The following TTN variants were observed in gnomAD, a reference collection of about 807,000 sequenced individuals.
TTN encodes the protein titin, also known as connectin.
TTN carries 1,525 observed loss-of-function variants against 3,223.0 expected under a neutral mutation model. That is an observed-to-expected ratio of 0.47 (90% CI 0.45 to 0.49). The LOEUF is 0.49. Ranked by LOEUF, TTN falls within the 20% of genes least tolerant of loss-of-function variation. TTN has a pLI of 0.00. For synonymous variants in TTN, 14,094 were observed against 15,161.0 expected, an observed-to-expected ratio of 0.93 and a Z score of 5.17; for missense variants, 40,786 against 43,424.0, an observed-to-expected ratio of 0.94 and a Z score of 5.40.
In TTN at chr2:178,573,339, C is replaced by A; in HGVS notation, c.72793G>T (p.Ala24265Ser). 1 of 1,544,908 alleles carries A rather than the reference C, an allele frequency of 6.5e-7. No individual in the cohort carries two copies. Residue 24265 changes from alanine (A) to serine (S), a missense_variant, in exon 326 of 363, where the codon GCT becomes TCT. Coordinates refer to ENST00000589042, the MANE Select transcript of TTN (RefSeq NM_001267550.2). ...INYIVERRDKAGQRWIKCNKK... is the reference protein window; with the variant it reads ...INYIVERRDKSGQRWIKCNKK... ...TTGCATTTAATCCAGCGTTGGCCAG[C>A]TTTATCACGCCGTTCCACAATATAA...
rs2060146703 is a variant in TTN, at chr2:178,634,254, G to A, written c.42415+112C>T. 1 of 1,494,426 alleles carries A rather than the reference G, an allele frequency of 6.7e-7. No individual in the cohort carries two copies. Among genetic ancestry groups the A allele is most frequent in the South Asian group, 1.3e-5 (1 of 76,186 alleles). 92.6% of individuals were successfully genotyped at this position (1,494,426 alleles called of 1,614,324 possible). Reference sequence around the variant, plus strand: ...AGGGGGGTTGTTTTGGTAACACTGTGAAAGTTAATTAGTGATGCATTATCA... The same window carrying A: ...AGGGGGGTTGTTTTGGTAACACTGTAAAAGTTAATTAGTGATGCATTATCA... On this transcript the variant is annotated intron_variant, in intron 230 of 362. Coordinates refer to ENST00000589042, the MANE Select transcript of TTN (RefSeq NM_001267550.2). The surrounding 1 kb of genome is among the most constrained non-coding windows in gnomAD (Gnocchi z 4.6).
intron 47 of TTN, chr2:178,747,827 T>C: frequency 6.2e-7 from 1 of 1,612,900 alleles, no homozygotes; most frequent in East Asian, 2.2e-5. Context: ...TTCATAACAT[T>C]TTTCTTCTCC....
chr2:178,651,822 A>G, intron 205 of TTN, 62 bp downstream of exon 205: 4 of 1,602,300 alleles, frequency 2.5e-6, no homozygotes, highest in East Asian at 4.5e-5. Flanking sequence ...AGCACCCAGA[A>G]TTATCAGGGC....
At position 178,773,601 on chromosome 2, in the gene TTN, G is replaced by A. The variant is rs771849393; in HGVS notation, c.7455C>T (p.Ile2485=). Residue 2485 remains isoleucine (I), a synonymous_variant, in exon 32 of 363, where the codon ATC becomes ATT. Coordinates refer to ENST00000589042, the MANE Select transcript of TTN (RefSeq NM_001267550.2). The part of the protein sequence containing the change: ...SVKWYLNDEQ[I]KPDDRVQAIV... ...TGGCCTGTACACGGTCATCAGGCTTGATTTGTTCATCATTTAAGTACCACT... is the reference window on the plus strand; with the variant it reads ...TGGCCTGTACACGGTCATCAGGCTTAATTTGTTCATCATTTAAGTACCACT... 6.2e-7 allele frequency: 1 copy of A among 1,614,024 alleles called. No individual in the cohort carries two copies. The highest frequency in any genetic ancestry group is 8.5e-7 in the Non-Finnish European group (1 of 1,179,976).
rs1187733534 is a variant in TTN, at chr2:178,625,364, T to C, written c.44457A>G (p.Thr14819=). 1.3e-6 allele frequency: 2 copies of C among 1,588,750 alleles called. No individual in the cohort carries two copies. The highest frequency in any genetic ancestry group is 1.7e-6 in the Non-Finnish European group (2 of 1,170,782). The change falls in exon 241 of 363, where the codon ACA becomes ACG. Residue 14819 remains threonine (T), a synonymous_variant. Transcript: ENST00000589042. ...VVPRSEGKVH[T]LTLRDVKLED... ...CTAACTTTACATCCCTCAGAGTAAG[T>C]GTATGAACTTTTCCTTCTGAACGTG...
chr2:178,683,254 T>A lies in TTN; in HGVS notation c.32844A>T (p.Lys10948Asn). The stretch of plus-strand genomic sequence containing the variant: ...CTCTTTTTGGAGCTTCAATTGATAC[T>A]TTTTCTTCTTTAACCACTCTTTTTC... Reference protein sequence around the residue: ...EFRKRVVKEEKVSIEAPKREP... With the variant: ...EFRKRVVKEENVSIEAPKREP... Residue 10948 changes from lysine (K) to asparagine (N), a missense_variant, in exon 134 of 363, where the codon AAA (lysine) becomes AAT (asparagine). By Grantham distance (94) the Lys-to-Asn change is moderately conservative. Coordinates refer to ENST00000589042, the MANE Select transcript of TTN (RefSeq NM_001267550.2). 6.4e-7 allele frequency: 1 copy of A among 1,551,180 alleles called. No individual in the cohort carries two copies. The highest frequency in any genetic ancestry group is 1.7e-4 in the Middle Eastern group (1 of 5,942).
intron 47 of TTN, chr2:178,748,129 A>G: frequency 3.1e-6 from 5 of 1,613,070 alleles, no homozygotes; most frequent in South Asian, 1.1e-5. Context: ...TTCTGCCTCC[A>G]TTTTCTAGAG....
At chr2:178,738,511 G>A (rs561929064) in intron 48 of TTN, among the ~76,000 whole-genome samples, 151 bp from the exon 49 acceptor site, 1 of 152,186 alleles carries the variant, frequency 6.6e-6, no homozygotes, top group East Asian at 1.9e-4. Context: ...ACTGGAAAAT[G>A]AGAAAGATCA....
chr2:178,704,992 T>G (rs2075622909), intron 103 of TTN, 26 bp from the exon 104 acceptor site: 2 of 1,609,012 alleles, frequency 1.2e-6, no homozygotes, highest in East Asian at 4.5e-5. Context: ...ATGATAGGCA[T>G]TACAGATGAA....
At chr2:178,678,978 G>T in intron 142 of TTN, 148 bp from the exon 143 acceptor site, 1 of 694,678 alleles carries the variant, frequency 1.4e-6, no homozygotes. Flanking sequence ...ACAAAACAAA[G>T]GCCAGAAAAT....
At chr2:178,717,889 CG>C in intron 86 of TTN, 53 bp downstream of exon 86, 1 of 1,573,802 alleles carries the variant, frequency 6.4e-7, no homozygotes, top group Non-Finnish European at 8.6e-7. Flanking sequence ...AAAGTTTTAA[CG>C]TTTTTAAGAA....
chr2:178,531,620 G>C lies in TTN; in HGVS notation c.104995C>G (p.Leu34999Val), dbSNP rs727503532. The change falls in exon 358 of 363, where the codon CTG (leucine) becomes GTG (valine). Residue 34999 changes from leucine to valine, a missense_variant. Leu to Val is a conservative substitution (Grantham distance 32). Coordinates refer to ENST00000589042, the MANE Select transcript of TTN (RefSeq NM_001267550.2). ...HYTNTSGVLT[L>V]EILDCHTDDS... is the part of the protein sequence containing the mutation. ...TCAGTATGACAGTCCAGAATTTCCAGGGTGAGGACTCCACTCGTGTTGGTG... is the reference window on the plus strand; with the variant it reads ...TCAGTATGACAGTCCAGAATTTCCACGGTGAGGACTCCACTCGTGTTGGTG... 5 of 1,613,868 alleles carry C rather than the reference G, an allele frequency of 3.1e-6. No individual in the cohort carries two copies. The African/African-American group carries it at 6.7e-5, about 22-fold the overall frequency.
At position 178,635,648 on chromosome 2, in the gene TTN, A is replaced by C; in HGVS notation, c.41676T>G (p.Ile13892Met). The C allele has an allele frequency of 6.3e-7, 1 of 1,599,572 alleles. No homozygotes were observed. Among genetic ancestry groups the C allele is most frequent in the African/African-American group, 1.3e-5 (1 of 74,850 alleles). Reference protein sequence around the residue: ...DQHVKPKGTAIFACDIAKDTP... With the variant: ...DQHVKPKGTAMFACDIAKDTP... The stretch of plus-strand genomic sequence containing the variant: ...TATCTTTTGCTATATCACAGGCAAA[A>C]ATAGCTGTCCCCTTGGGTTTCACAT... The change falls in exon 227 of 363, where the codon ATT (isoleucine) becomes ATG (methionine). Residue 13892 changes from isoleucine (I) to methionine (M), a missense_variant. Coordinates refer to ENST00000589042, the MANE Select transcript of TTN (RefSeq NM_001267550.2).
intron 14 of TTN, 32 bp downstream of exon 14, chr2:178,785,816 A>G: frequency 6.2e-7 from 1 of 1,614,152 alleles, no homozygotes; most frequent in South Asian, 1.1e-5. Context: ...TTTACCATGA[A>G]CAAGGTGAAA....
At position 178,729,568 on chromosome 2, in the gene TTN, TA is replaced by T. The variant is rs1336631346; in HGVS notation, c.18590-3del. 3 of 1,611,992 alleles carry T rather than the reference TA, an allele frequency of 1.9e-6. No individual in the cohort carries two copies. The highest frequency in any genetic ancestry group is 2.5e-6 in the Non-Finnish European group (3 of 1,178,922). On this transcript the variant is annotated splice_region_variant and splice_polypyrimidine_tract_variant and intron_variant, in intron 63 of 362. Coordinates refer to ENST00000589042, the MANE Select transcript of TTN (RefSeq NM_001267550.2). The stretch of plus-strand genomic sequence containing the variant: ...GCTCTCTGATAAAGGTGGGGGGTTC[TA>T]AAGATTCAAAAGGAAGACAGTAGCT...
Position 178,717,578 on chromosome 2 carries a change from G to A in TTN, c.25296C>T (p.Cys8432=), listed in dbSNP as rs375720439. 8.8e-5 allele frequency: 142 copies of A among 1,613,026 alleles called. No individual in the cohort carries two copies. Among genetic ancestry groups the A allele is most frequent in the Middle Eastern group, 1.6e-4 (1 of 6,074 alleles). Residue 8432 remains cysteine, a synonymous_variant, in exon 87 of 363, where the codon TGC becomes TGT. Transcript: ENST00000589042. ...CAGTCCCAAGAGGATTAGAAGCAGA[G>A]CAATTATACTGCCCTATGTGGCTCT... The part of the protein sequence containing the change: ...TDQSHIGQYN[C]SASNPLGTAS...
Position 178,647,425 on chromosome 2 carries a change from A to T in TTN, c.40097T>A (p.Val13366Glu), listed in dbSNP as rs913247503. ...TGGCTCTGCAGGGATAGGCACAGAC[A>T]CTTCCTTTTCTGGGATGATTTTCTC... ...VPEKIIPEKE[V>E]SVPIPAEPEV... Residue 13366 changes from valine to glutamate, a missense_variant, in exon 214 of 363, where the codon GTG (valine) becomes GAG (glutamate). Val to Glu is a moderately radical substitution (Grantham distance 121). Coordinates refer to ENST00000589042, the MANE Select transcript of TTN (RefSeq NM_001267550.2). 2 of 1,549,734 alleles carry T rather than the reference A, an allele frequency of 1.3e-6. No individual in the cohort carries two copies. Among genetic ancestry groups the T allele is most frequent in the Non-Finnish European group, 8.7e-7 (1 of 1,146,458 alleles).
intron 266 of TTN, 56 bp from the exon 267 acceptor site, chr2:178,612,218 G>T: frequency 6.2e-7 from 1 of 1,603,490 alleles, no homozygotes; most frequent in Non-Finnish European, 8.5e-7. Flanking sequence ...ATAATCTCCT[G>T]TCACAAAAAT....
chr2:178,558,125 T>C lies in TTN; in HGVS notation c.87229A>G (p.Thr29077Ala). ...PISGKPLPKV[T>A]LSRDGVPLKA... ...AGGGGGACACCATCTCTTGATAAGG[T>C]CACTTTGGGAAGTGGTTTTCCAGAG... The change falls in exon 328 of 363, where the codon ACC (threonine) becomes GCC (alanine). Residue 29077 changes from threonine (T) to alanine (A), a missense_variant. Coordinates refer to ENST00000589042, the MANE Select transcript of TTN (RefSeq NM_001267550.2). 6.2e-7 allele frequency: 1 copy of C among 1,613,878 alleles called. No individual in the cohort carries two copies. Among genetic ancestry groups the C allele is most frequent in the Non-Finnish European group, 8.5e-7 (1 of 1,179,838 alleles).
Sources: gnomAD v4.1 joint callset for allele counts (sites outside exome capture counted in the v4.1 genomes callset) on GRCh38, gnomAD v4.1.1 for gene constraint, Gnocchi (gnomAD v3.1) non-coding constraint, MANE v1.5 for transcripts, NCBI Gene and HGNC (gene_info 2026-07-23, HGNC 2026-07-21) for gene names.